TRANK1: variants seen among roughly 807,000 people sequenced by gnomAD.
TRANK1 encodes the protein TPR and ankyrin repeat-containing protein 1.
Under a neutral mutation model 266.0 loss-of-function variants are expected in TRANK1, and 198 were observed. That is an observed-to-expected ratio of 0.74 (90% confidence interval 0.66 to 0.84). TRANK1 has a LOEUF of 0.84. TRANK1 is among the 40% of genes least tolerant of loss of function. TRANK1 has a pLI of 0.00. For synonymous variants in TRANK1, 1,396 were observed against 1,384.1 expected (o/e 1.01, Z -0.19); for missense variants, 3,326 against 3,634.6 (o/e 0.92, Z 2.18).
At chr3:36,932,371 G>A (rs1198615752) in intron 1 of TRANK1, among the ~76,000 whole-genome samples, 1 of 152,146 alleles carries the variant, frequency 6.6e-6, no homozygotes, top group East Asian at 1.9e-4. Context: ...AGGAGTTCGA[G>A]ACCAGCCTGG....
chr3:36,926,099 A>C (rs779581054), intron 1 of TRANK1, among the ~76,000 whole-genome samples: 16 of 152,098 alleles, frequency 1.1e-4, no homozygotes, highest in Non-Finnish European at 1.8e-4. Context: ...ATACCCCCAC[A>C]CCACAACAAC....
intron 1 of TRANK1, among the ~76,000 whole-genome samples, chr3:36,912,974 G>C (rs559901411): frequency 6.6e-6 from 1 of 151,678 alleles, no homozygotes; most frequent in African/African-American, 2.4e-5. Context: ...AGATTAACTC[G>C]GGAATGCTGG....
Position 36,828,206 on chromosome 3 carries a change from C to A in TRANK1, c.*69G>T. 1 of 1,156,332 alleles carries A rather than the reference C, an allele frequency of 8.6e-7. No individual in the cohort carries two copies. The highest frequency in any genetic ancestry group is 2.0e-5 in the Admixed American group (1 of 49,240). The allele number at this position is 1,156,332 out of a possible 1,614,324, so 71.6% of individuals were successfully genotyped here. On this transcript the variant is annotated 3_prime_UTR_variant, in exon 24 of 24. Transcript: ENST00000645898. ...AATTCACATTCTTTTTGTCTTCTGCCCCAGCGCTCAGAATTCTAAGTCAGA... is the reference window on the plus strand; with the variant it reads ...AATTCACATTCTTTTTGTCTTCTGCACCAGCGCTCAGAATTCTAAGTCAGA...
At chr3:36,918,876 T>A (rs1254741004) in intron 1 of TRANK1, among the ~76,000 whole-genome samples, 2 of 152,134 alleles carry the variant, frequency 1.3e-5, no homozygotes, top group African/African-American at 4.8e-5. Flanking sequence ...GCAGCCAAGA[T>A]ACTAATTACT....
At position 36,927,041 on chromosome 3, in the gene TRANK1, G is replaced by A. The variant is rs1399378394; in HGVS notation, c.23+17746C>T. Among the ~76,000 whole-genome samples, 6 of 152,072 alleles carry A rather than the reference G, an allele frequency of 3.9e-5. No individual in the cohort carries two copies. In the East Asian group the frequency reaches 1.2e-3, roughly 29 times the overall value. On this transcript the variant is annotated intron_variant, in intron 1 of 23. Transcript: ENST00000645898. ...AAACCAAAATGTTACTGCAGCAAGG[G>A]TATCAGCCAGTAAAAGAACTAATGA...
At chr3:36,840,368 G>C (rs1257995526) in intron 18 of TRANK1, among the ~76,000 whole-genome samples, 5 of 152,148 alleles carry the variant, frequency 3.3e-5, no homozygotes, top group African/African-American at 1.2e-4. Context: ...TACATACTTA[G>C]GAAAATACTT....
chr3:36,924,919 TA>T (rs1363655967), intron 1 of TRANK1, among the ~76,000 whole-genome samples: 3 of 152,164 alleles, frequency 2.0e-5, no homozygotes, highest in Admixed American at 6.5e-5. Flanking sequence ...CTGCTCCTGC[TA>T]AAAACAGCTC....
At chr3:36,872,735 G>A (rs1303053281) in intron 9 of TRANK1, among the ~76,000 whole-genome samples, 2 of 152,110 alleles carry the variant, frequency 1.3e-5, no homozygotes, top group Non-Finnish European at 2.9e-5. Flanking sequence ...AATTCAAGAA[G>A]CTCATCCATT....
intron 8 of TRANK1, among the ~76,000 whole-genome samples, chr3:36,882,930 G>A (rs9882814): frequency 0.33 from 50,158 of 151,868 alleles, 9,288 homozygotes; most frequent in East Asian, 0.57. Flanking sequence ...GATACTGGAA[G>A]AACAATTCTC....
intron 1 of TRANK1, among the ~76,000 whole-genome samples, chr3:36,914,007 A>C (rs751350948): frequency 1.3e-5 from 2 of 152,208 alleles, no homozygotes; most frequent in Non-Finnish European, 2.9e-5. Context: ...AGTTGACGAG[A>C]CCAGCTCCGA....
At chr3:36,926,279 A>G (rs541196476) in intron 1 of TRANK1, among the ~76,000 whole-genome samples, 1 of 152,026 alleles carries the variant, frequency 6.6e-6, no homozygotes, top group Non-Finnish European at 1.5e-5. Context: ...GCAGGCATCC[A>G]CTCTACTCAG....
chr3:36,902,622 G>A (rs117474243), intron 3 of TRANK1, among the ~76,000 whole-genome samples: 1 of 152,266 alleles, frequency 6.6e-6, no homozygotes, highest in East Asian at 1.9e-4. Flanking sequence ...GGTCTTAGTG[G>A]CCTCTCAAAC....
At chr3:36,862,245 G>A (rs1379786697) in intron 10 of TRANK1, among the ~76,000 whole-genome samples, 3 of 152,068 alleles carry the variant, frequency 2.0e-5, no homozygotes, top group East Asian at 3.8e-4. Context: ...AAGAAAGCAG[G>A]GAGGAAGAGC....
chr3:36,827,773 G>C lies in TRANK1; in HGVS notation c.*502C>G, dbSNP rs1019037847. ...GATGACCAGAATGCGTCCTGGGCTC[G>C]GGGTGGCCAGTGGCAGGGCCCACCC... is the stretch of plus-strand genomic sequence containing the variant. On this transcript the variant is annotated 3_prime_UTR_variant, in exon 24 of 24. Transcript: ENST00000645898. 1.3e-5 allele frequency: 2 copies of C among 152,846 alleles called. No homozygotes were observed. The highest frequency in any genetic ancestry group is 6.5e-5 in the Admixed American group (1 of 15,370). The allele number at this position is 152,846 out of a possible 1,614,324, so 9.5% of individuals were successfully genotyped here.
In TRANK1 at chr3:36,895,702, C is replaced by A; in HGVS notation, c.490G>T (p.Gly164Ter). The change falls in exon 5 of 24, where the codon GGA (glycine) becomes TGA (stop). Residue 164 changes from glycine to a stop codon, truncating the protein, a stop_gained. Transcript: ENST00000645898. LOFTEE classifies it high-confidence loss of function. Reference protein sequence around the residue: ...LPCFDHIFTTGFPTEVWQSVI... With the variant: ...LPCFDHIFTT ...GATTGCCACACTTCTGTTGGGAATC[C>A]AGTTGTGAAAATATGATCAAAGCAA... The A allele has an allele frequency of 1.3e-6, 2 of 1,536,654 alleles. No individual in the cohort carries two copies. Among genetic ancestry groups the A allele is most frequent in the Non-Finnish European group, 1.7e-6 (2 of 1,146,732 alleles).
At position 36,833,066 on chromosome 3, in the gene TRANK1, A is replaced by G; in HGVS notation, c.6517T>C (p.Leu2173=). The G allele has an allele frequency of 6.2e-7, 1 of 1,612,960 alleles. No homozygotes were observed. The highest frequency in any genetic ancestry group is 1.3e-5 in the African/African-American group (1 of 75,028). ...CGTGTGATCTGACACAGCCTGCCCA[A>G]AAGGTGTTTGTTTAGGGCTAATTTC... ...QVKLALNKHL[L]GRLCQITRSL... Residue 2173 remains leucine (L), a synonymous_variant, in exon 22 of 24, where the codon TTG becomes CTG. Transcript: ENST00000645898.
At chr3:36,879,647 T>A (rs1200874553) in intron 8 of TRANK1, among the ~76,000 whole-genome samples, 1 of 70,858 alleles carries the variant, frequency 1.4e-5, no homozygotes, top group Admixed American at 1.5e-4. Context: ...AATATACAAA[T>A]ATATATAAAT....
At chr3:36,838,751 T>G in intron 18 of TRANK1, 35 bp from the exon 19 acceptor site, 1 of 1,585,798 alleles carries the variant, frequency 6.3e-7, no homozygotes, top group Non-Finnish European at 8.6e-7. Context: ...CCCAGCAAGG[T>G]AATGGAGGTA....
At chr3:36,922,024 G>A (rs2080222759) in intron 1 of TRANK1, among the ~76,000 whole-genome samples, 1 of 152,150 alleles carries the variant, frequency 6.6e-6, no homozygotes, top group Non-Finnish European at 1.5e-5. Flanking sequence ...GCATGCACCT[G>A]TAGTTCCAGC....
Sources: gnomAD v4.1 joint callset for allele counts (sites outside exome capture counted in the v4.1 genomes callset) on GRCh38, gnomAD v4.1.1 for gene constraint, MANE v1.5 for transcripts, NCBI Gene and HGNC (gene_info 2026-07-23, HGNC 2026-07-21) for gene names.